CADM1: variants seen among roughly 807,000 people sequenced by gnomAD.
CADM1 encodes the protein cell adhesion molecule 1.
In CADM1, 15 loss-of-function variants were observed where a neutral mutation model predicts 53.1. The ratio of observed to expected loss-of-function variants is 0.28; its 90% CI spans 0.19 to 0.44. CADM1 has a LOEUF of 0.44. Among genes scored for constraint, CADM1 ranks in the 20% least tolerant of loss-of-function variants. The probability of loss-of-function intolerance (pLI) is 1.00; values close to 1 mark genes in which losing one functional copy is unlikely to be tolerated. For synonymous variants in CADM1, 281 were observed against 243.0 expected (o/e 1.16, Z -1.45); for missense variants, 434 against 611.3 (o/e 0.71, Z 3.06).
At chr11:115,404,346 A>AATATATATAT (rs869231204) in intron 1 of CADM1, among the ~76,000 whole-genome samples, 7 of 33,766 alleles carry the variant, frequency 2.1e-4, no homozygotes, top group East Asian at 2.0e-3. Context: ...AAAAAAAAAA[A>AATATATATAT]ATATATATAT....
At chr11:115,199,205 T>A (rs12283875) in intron 8 of CADM1, among the ~76,000 whole-genome samples, 29 of 152,306 alleles carry the variant, frequency 1.9e-4, no homozygotes, top group African/African-American at 7.0e-4. Context: ...GTTCACACAA[T>A]CTGCCAAACG....
intron 1 of CADM1, among the ~76,000 whole-genome samples, chr11:115,370,718 A>C (rs1411615322): frequency 6.6e-6 from 1 of 152,182 alleles, no homozygotes; most frequent in African/African-American, 2.4e-5. Flanking sequence ...CAGCCCAAGC[A>C]GACTAATACA....
intron 3 of CADM1, 25 bp from the exon 4 acceptor site, chr11:115,231,515 A>G: frequency 6.2e-7 from 1 of 1,611,032 alleles, no homozygotes; most frequent in Non-Finnish European, 8.5e-7. Context: ...TATGTGCTTT[A>G]TAAACACAGA....
At chr11:115,411,154 A>G (rs529804868) in intron 1 of CADM1, among the ~76,000 whole-genome samples, 5 of 152,148 alleles carry the variant, frequency 3.3e-5, no homozygotes, top group Non-Finnish European at 7.4e-5. Flanking sequence ...TATAATTACA[A>G]TGTATTCATG....
In CADM1 at chr11:115,172,004, T is replaced by C. The variant is rs1307877249; in HGVS notation, c.*4470A>G. On this transcript the variant is annotated 3_prime_UTR_variant, in exon 12 of 12. Transcript: ENST00000331581. ...CTGTGACTGACATGTAATGAACAAG[T>C]AGTGTGTGTCTGGCACCTTTTTGGC... 6.6e-6 allele frequency: 1 copy of C among 152,250 alleles called. No individual in the cohort carries two copies. The highest frequency in any genetic ancestry group is 2.4e-5 in the African/African-American group (1 of 41,446). 9.4% of individuals were successfully genotyped at this position (152,250 alleles called of 1,614,324 possible). A position where few individuals can be genotyped will look rare whatever the true frequency, so the allele number is the denominator to read the frequency against.
intron 1 of CADM1, among the ~76,000 whole-genome samples, chr11:115,491,623 T>G (rs1027103077): frequency 3.3e-5 from 5 of 151,748 alleles, no homozygotes; most frequent in African/African-American, 1.2e-4. Flanking sequence ...AACTATGAAC[T>G]TGGAAGGAAG....
In CADM1 at chr11:115,240,276, C is replaced by T. The variant is rs1425280352; in HGVS notation, c.269G>A (p.Arg90Lys). 1 of 1,613,554 alleles carries T rather than the reference C, an allele frequency of 6.2e-7. No individual in the cohort carries two copies. Among genetic ancestry groups the T allele is most frequent in the Admixed American group, 1.7e-5 (1 of 59,952 alleles). ...CAACTATAGAGATGGAAACTTACGC[C>T]TGAAGTCCCTGAAATAAATGGTCTG... ...NRQTIYFRDF[R>K]PLKDSRFQLL... Residue 90 changes from arginine (R) to lysine (K), a missense_variant and splice_region_variant, in exon 2 of 12, where the codon AGG becomes AAG. Physicochemically the swap from Arg to Lys is conservative, Grantham distance 26. This residue lies in a region of CADM1 where 31 missense variants were observed against 74.6 expected (regional missense o/e 0.42). Coordinates refer to ENST00000331581, the MANE Select transcript of CADM1 (RefSeq NM_001301043.2).
intron 1 of CADM1, among the ~76,000 whole-genome samples, chr11:115,431,185 T>C (rs1301137189): frequency 1.3e-5 from 2 of 152,136 alleles, no homozygotes; most frequent in Non-Finnish European, 2.9e-5. Context: ...ATATGCAAAG[T>C]TTAACTTTGA....
intron 1 of CADM1, among the ~76,000 whole-genome samples, chr11:115,314,830 A>G (rs780882845): frequency 6.6e-6 from 1 of 152,230 alleles, no homozygotes. Flanking sequence ...CATAGGCAAA[A>G]TGACCATACA....
chr11:115,365,671 G>A (rs1946138138), intron 1 of CADM1, among the ~76,000 whole-genome samples: 1 of 151,862 alleles, frequency 6.6e-6, no homozygotes, highest in Admixed American at 6.6e-5. Context: ...AAACCAGACA[G>A]GAAGACTTCT....
intron 6 of CADM1, among the ~76,000 whole-genome samples, chr11:115,217,083 T>C (rs970179711): frequency 2.6e-5 from 4 of 152,146 alleles, no homozygotes; most frequent in African/African-American, 7.2e-5. Context: ...CCTCAACTTG[T>C]TTTTTTCTTT....
intron 1 of CADM1, among the ~76,000 whole-genome samples, chr11:115,324,272 G>C (rs1195480047): frequency 6.6e-6 from 1 of 152,120 alleles, no homozygotes; most frequent in Non-Finnish European, 1.5e-5. Flanking sequence ...ACTGCATCAT[G>C]CATCTTGAAC....
chr11:115,380,389 A>G (rs1435889633), intron 1 of CADM1, among the ~76,000 whole-genome samples: 1 of 152,072 alleles, frequency 6.6e-6, no homozygotes, highest in Admixed American at 6.6e-5. Context: ...AAAATATTAA[A>G]CCATCCATCA....
chr11:115,346,220 TTGCCACCCAC>T (rs1163536708), intron 1 of CADM1, among the ~76,000 whole-genome samples: 2 of 152,170 alleles, frequency 1.3e-5, no homozygotes, highest in African/African-American at 4.8e-5. Context: ...TTGACTTACC[TTGCCACCCAC>T]TGCATGGCTT....
intron 1 of CADM1, among the ~76,000 whole-genome samples, chr11:115,307,808 T>C (rs1404626631): frequency 1.3e-5 from 2 of 151,998 alleles, no homozygotes; most frequent in East Asian, 1.9e-4. Context: ...TCATTGGTCC[T>C]GCATATTTTC....
chr11:115,217,956 G>C lies in CADM1; in HGVS notation c.757C>G (p.Leu253Val). 1 of 1,613,516 alleles carries C rather than the reference G, an allele frequency of 6.2e-7. No homozygotes were observed. The highest frequency in any genetic ancestry group is 1.1e-5 in the South Asian group (1 of 91,076). ...TCCCCTTCCCGGGTTAAGCCTTGTA[G>C]AGGATAAGTCATCTGAATGTGCACT... ...PQVHIQMTYP[L>V]QGLTREGDAL... The change falls in exon 6 of 12, where the codon CTA becomes GTA. Residue 253 changes from leucine (L) to valine (V), a missense_variant. Coordinates refer to ENST00000331581, the MANE Select transcript of CADM1 (RefSeq NM_001301043.2).
intron 1 of CADM1, among the ~76,000 whole-genome samples, chr11:115,282,927 T>C (rs576977211): frequency 2.0e-5 from 3 of 152,202 alleles, no homozygotes; most frequent in Admixed American, 6.5e-5. Flanking sequence ...CTACAGAGCA[T>C]AGAAATTACT....
At chr11:115,400,657 GTGTGTATATATATATATATA>G (rs1348250846) in intron 1 of CADM1, among the ~76,000 whole-genome samples, 5 of 82,322 alleles carry the variant, frequency 6.1e-5, no homozygotes, top group African/African-American at 2.6e-4. Flanking sequence ...GTGTGTGTGT[GTGTGTATATATATATATATA>G]TATATATATA....
intron 1 of CADM1, among the ~76,000 whole-genome samples, chr11:115,500,040 C>A (rs1591310007): frequency 6.6e-6 from 1 of 152,036 alleles, no homozygotes; most frequent in African/African-American, 2.4e-5. Context: ...TAATTGCTTC[C>A]AACTCAAAGC....
Sources: gnomAD v4.1 joint callset for allele counts (sites outside exome capture counted in the v4.1 genomes callset) on GRCh38, gnomAD v4.1.1 for gene constraint, gnomAD v4.1.1 regional missense constraint, MANE v1.5 for transcripts, NCBI Gene and HGNC (gene_info 2026-07-23, HGNC 2026-07-21) for gene names.